RBFOX2: variants seen among roughly 807,000 people sequenced by gnomAD.
RBFOX2 encodes RNA binding fox-1 homolog 2.
Under a neutral mutation model 49.1 loss-of-function variants are expected in RBFOX2, and 10 were observed. The observed-to-expected ratio is 0.20, with a 90% CI of 0.13 to 0.35. The LOEUF (loss-of-function observed/expected upper bound fraction) is 0.35. RBFOX2 is among the 10% of genes least tolerant of loss of function. The probability of loss-of-function intolerance (pLI) is 1.00; values close to 1 mark genes in which losing one functional copy is unlikely to be tolerated. For synonymous variants in RBFOX2, 183 were observed against 187.4 expected, an observed-to-expected ratio of 0.98 and a Z score of 0.19; for missense variants, 323 against 486.9, an observed-to-expected ratio of 0.66 and a Z score of 3.17.
intron 1 of RBFOX2, among the ~76,000 whole-genome samples, chr22:35,857,390 TAA>T (rs2042632733): frequency 6.6e-6 from 1 of 152,190 alleles, no homozygotes. Context: ...TATAGATATA[TAA>T]GAGATGACGA....
At chr22:35,846,522 G>A (rs1451755511) in intron 1 of RBFOX2, among the ~76,000 whole-genome samples, 1 of 151,852 alleles carries the variant, frequency 6.6e-6, no homozygotes, top group Non-Finnish European at 1.5e-5. Context: ...CCGAGGAGGT[G>A]GATCACCCGA....
upstream of RBFOX2, among the ~76,000 whole-genome samples, chr22:35,843,818 C>G (rs943770280): frequency 6.6e-6 from 1 of 152,124 alleles, no homozygotes; most frequent in Non-Finnish European, 1.5e-5. Context: ...ACAGGCACCC[C>G]AGTAGAAATT....
intron 1 of RBFOX2, among the ~76,000 whole-genome samples, chr22:35,846,290 T>C (rs2148917445): frequency 6.7e-6 from 1 of 149,066 alleles, no homozygotes; most frequent in East Asian, 1.9e-4. Context: ...TTACACAAAC[T>C]ATATAAGTAT....
intron 1 of RBFOX2, among the ~76,000 whole-genome samples, chr22:35,891,769 C>T (rs1376311266): frequency 1.3e-5 from 2 of 151,696 alleles, no homozygotes; most frequent in African/African-American, 4.9e-5. Context: ...TCATATCTGT[C>T]TGTCTCTTTC....
intron 2 of RBFOX2, among the ~76,000 whole-genome samples, chr22:35,792,860 A>C (rs151273725): frequency 2.6e-4 from 39 of 152,378 alleles, no homozygotes; most frequent in African/African-American, 7.7e-4. Flanking sequence ...GCCATTGCAT[A>C]GTATCTCAAA....
chr22:35,772,914 T>G (rs113811924), intron 4 of RBFOX2, among the ~76,000 whole-genome samples: 252 of 151,656 alleles, frequency 1.7e-3, no homozygotes, highest in African/African-American at 6.0e-3. Context: ...CTCAGAAGAA[T>G]GAGAAAGAAA....
intron 1 of RBFOX2, among the ~76,000 whole-genome samples, chr22:35,830,620 A>T (rs944128195): frequency 2.0e-5 from 3 of 152,222 alleles, no homozygotes; most frequent in African/African-American, 7.2e-5. Flanking sequence ...ACAGCATGTG[A>T]CTATACTGAA....
chr22:35,780,625 A>G (rs1430623356), intron 3 of RBFOX2, among the ~76,000 whole-genome samples: 3 of 152,248 alleles, frequency 2.0e-5, no homozygotes, highest in African/African-American at 4.8e-5. Flanking sequence ...GACACTGTGC[A>G]GTATGAGCAA....
chr22:35,870,175 C>CT (rs771480436), intron 1 of RBFOX2, among the ~76,000 whole-genome samples: 1 of 152,044 alleles, frequency 6.6e-6, no homozygotes, highest in Non-Finnish European at 1.5e-5. Flanking sequence ...ATTAGAGAAA[C>CT]AATAAAATTG....
intron 1 of RBFOX2, among the ~76,000 whole-genome samples, chr22:35,895,704 G>A (rs1316557064): frequency 6.6e-6 from 1 of 152,010 alleles, no homozygotes; most frequent in African/African-American, 2.4e-5. Flanking sequence ...TAAGGTGCAC[G>A]GCTTGGGTTT....
exon 12 of RBFOX2, chr22:35,741,098 C>T (rs1929731596): frequency 6.6e-6 from 1 of 152,228 alleles, no homozygotes; most frequent in Non-Finnish European, 1.5e-5. Context: ...GAGAGCCTGA[C>T]AAATGGTGAA....
chr22:35,890,155 C>T (rs530904581), intron 1 of RBFOX2, among the ~76,000 whole-genome samples: 174 of 152,222 alleles, frequency 1.1e-3, no homozygotes, highest in African/African-American at 4.0e-3. Context: ...TTTTTCGTAA[C>T]CTGAAAAATC....
At chr22:35,756,176 A>AAACAAT in intron 9 of RBFOX2, 32 bp from the exon 11 acceptor site, 2 of 1,485,616 alleles carry the variant, frequency 1.3e-6, no homozygotes, top group Middle Eastern at 1.7e-4. Flanking sequence ...ACAAAAACAA[A>AAACAAT]AAAAACAAAA....
chr22:35,802,488 G>C (rs571448706), intron 2 of RBFOX2, among the ~76,000 whole-genome samples: 6 of 152,226 alleles, frequency 3.9e-5, no homozygotes, highest in Non-Finnish European at 7.4e-5. Context: ...TTAAACTTAG[G>C]GGCAAGAGCA....
At chr22:35,795,430 A>G (rs531978752) in intron 2 of RBFOX2, among the ~76,000 whole-genome samples, 68 of 152,100 alleles carry the variant, frequency 4.5e-4, no homozygotes, top group East Asian at 2.7e-3. Flanking sequence ...TCTTCCCATT[A>G]TGTTCTAGAA....
chr22:35,891,953 G>A (rs1161499968), intron 1 of RBFOX2, among the ~76,000 whole-genome samples: 1 of 151,740 alleles, frequency 6.6e-6, no homozygotes, highest in East Asian at 1.9e-4. Context: ...TACAAACTAA[G>A]AGGAAAAATA....
At chr22:35,742,002 G>A (rs944026051) in exon 12 of RBFOX2, 2 of 152,208 alleles carry the variant, frequency 1.3e-5, no homozygotes, top group African/African-American at 4.8e-5. Flanking sequence ...GTCAGCTAAA[G>A]TTCTCCCTCA....
upstream of RBFOX2, among the ~76,000 whole-genome samples, chr22:35,940,123 TA>T (rs750921807): frequency 2.0e-5 from 3 of 152,218 alleles, no homozygotes; most frequent in Non-Finnish European, 4.4e-5. Flanking sequence ...TATATTCAGA[TA>T]TTTGATAGTC....
intron 1 of RBFOX2, chr22:35,897,492 G>T: frequency 1.2e-6 from 1 of 819,506 alleles, no homozygotes; most frequent in Non-Finnish European, 2.2e-6. Flanking sequence ...AAAGTCTCTT[G>T]CTACCCACTG....
Sources: gnomAD v4.1 joint callset for allele counts (sites outside exome capture counted in the v4.1 genomes callset) on GRCh38, gnomAD v4.1.1 for gene constraint, MANE v1.5 for transcripts, NCBI Gene and HGNC (gene_info 2026-07-23, HGNC 2026-07-21) for gene names.